WWOX: variants seen among roughly 807,000 people sequenced by gnomAD.
The protein encoded by WWOX is WW domain-containing oxidoreductase.
In WWOX, 69 loss-of-function variants were observed where a neutral mutation model predicts 46.2. That is an observed-to-expected ratio of 1.49 (90% CI 1.23 to 1.82). The LOEUF is 1.82. Among genes scored for constraint, WWOX ranks in the 40% most tolerant of loss-of-function variants. The pLI, the probability that WWOX is intolerant of heterozygous loss-of-function variation, is 0.00. For synonymous variants in WWOX, 359 were observed against 202.6 expected (o/e 1.77, Z -6.56); for missense variants, 919 against 542.6 (o/e 1.69, Z -6.89).
At chr16:78,749,745 C>T (rs549660715) in intron 8 of WWOX, among the ~76,000 whole-genome samples, 1 of 152,134 alleles carries the variant, frequency 6.6e-6, no homozygotes, top group Non-Finnish European at 1.5e-5. Context: ...CCGTTAAAGC[C>T]GTATTGGATG....
At chr16:78,768,846 A>T (rs954609388) in intron 8 of WWOX, among the ~76,000 whole-genome samples, 1 of 152,160 alleles carries the variant, frequency 6.6e-6, no homozygotes, top group African/African-American at 2.4e-5. Flanking sequence ...AGGGCTTTCC[A>T]GTCAAAGAGA....
intron 5 of WWOX, among the ~76,000 whole-genome samples, chr16:78,174,283 A>G (rs2151746138): frequency 6.6e-6 from 1 of 152,250 alleles, no homozygotes; most frequent in Non-Finnish European, 1.5e-5. Context: ...AAAATGAGGA[A>G]GAAGCAAAAG....
chr16:78,820,848 G>C (rs28715365), intron 8 of WWOX, among the ~76,000 whole-genome samples: 12,513 of 152,074 alleles, frequency 0.082, 531 homozygotes, highest in African/African-American at 0.12. Flanking sequence ...CCTGGTTTCT[G>C]GTGACTGCTG....
At chr16:78,427,572 T>G (rs538506728) in intron 7 of WWOX, among the ~76,000 whole-genome samples, 1 of 151,984 alleles carries the variant, frequency 6.6e-6, no homozygotes, top group East Asian at 1.9e-4. Flanking sequence ...TTTCTCAGCT[T>G]CTGTGTAGAC....
In WWOX at chr16:78,615,820, C is replaced by T. The variant is rs1962835; in HGVS notation, c.1056+183068C>T. Among the ~76,000 whole-genome samples, 65 of 151,202 alleles carry T rather than the reference C, an allele frequency of 4.3e-4. 1 individual carries two copies. The highest frequency in any genetic ancestry group is 1.4e-3 in the African/African-American group (59 of 41,140). ...GGCTGGAGTGCAGTGGCACAGTCTC[C>T]GCTCACTGTAAGCTCCGCCTCCCGA... On this transcript the variant is annotated intron_variant, in intron 8 of 8. Transcript: ENST00000566780.
intron 8 of WWOX, among the ~76,000 whole-genome samples, chr16:79,030,574 T>C (rs974318800): frequency 6.6e-6 from 1 of 152,212 alleles, no homozygotes; most frequent in Non-Finnish European, 1.5e-5. Context: ...ATGAGGGCTG[T>C]CTTGGTCCGT....
intron 8 of WWOX, among the ~76,000 whole-genome samples, chr16:78,593,932 G>A (rs548729949): frequency 6.6e-6 from 1 of 152,244 alleles, no homozygotes; most frequent in African/African-American, 2.4e-5. Context: ...GTTGGAGGAG[G>A]ATGACCTTAG....
At chr16:78,701,437 C>T in intron 8 of WWOX, among the ~76,000 whole-genome samples, 1 of 152,122 alleles carries the variant, frequency 6.6e-6, no homozygotes, top group Non-Finnish European at 1.5e-5. Flanking sequence ...GGTTGAAGGT[C>T]CGATGGCCAC....
At chr16:78,915,694 C>CG (rs1472735824) in intron 8 of WWOX, among the ~76,000 whole-genome samples, 33 of 6,244 alleles carry the variant, frequency 5.3e-3, no homozygotes, top group Admixed American at 0.012. Context: ...TCTCCAAAGC[C>CG]ATTTAAAAAA....
chr16:78,568,905 C>T (rs938195942), intron 8 of WWOX, among the ~76,000 whole-genome samples: 1 of 152,168 alleles, frequency 6.6e-6, no homozygotes, highest in Non-Finnish European at 1.5e-5. Context: ...ATCTAATAAT[C>T]CTAACACTGT....
At chr16:79,075,598 G>C (rs887540331) in intron 8 of WWOX, among the ~76,000 whole-genome samples, 1 of 151,310 alleles carries the variant, frequency 6.6e-6, no homozygotes, top group African/African-American at 2.4e-5. Flanking sequence ...TGTCACCCAG[G>C]CTGGAGTTTA....
chr16:79,068,532 G>C (rs750915020), intron 8 of WWOX, among the ~76,000 whole-genome samples: 1 of 152,110 alleles, frequency 6.6e-6, no homozygotes, highest in Admixed American at 6.5e-5. Flanking sequence ...GGCTGGTCAC[G>C]GTGGCTCATG....
intron 8 of WWOX, among the ~76,000 whole-genome samples, chr16:78,944,126 T>C (rs746724399): frequency 1.3e-5 from 2 of 152,232 alleles, no homozygotes; most frequent in African/African-American, 4.8e-5. Context: ...GCTGTGGTAT[T>C]GTCTGAGCCT....
chr16:78,855,889 C>A (rs1220857727), intron 8 of WWOX, among the ~76,000 whole-genome samples: 1 of 152,208 alleles, frequency 6.6e-6, no homozygotes, highest in African/African-American at 2.4e-5. Context: ...CCAGTCCTTA[C>A]TCTCATGTAA....
In WWOX at chr16:78,352,630, G is replaced by T. The variant is rs910894826; in HGVS notation, c.517-34230G>T. On this transcript the variant is annotated intron_variant, in intron 5 of 8. Coordinates refer to ENST00000566780, the MANE Select transcript of WWOX (RefSeq NM_016373.4). ...ATCTGGGATAATCTGCCTGTTTGAAGGTCAGCCAATTAGCAATCTTAATGC... is the reference window on the plus strand; with the variant it reads ...ATCTGGGATAATCTGCCTGTTTGAATGTCAGCCAATTAGCAATCTTAATGC... Among the ~76,000 whole-genome samples the T allele has an allele frequency of 2.0e-5, 3 of 152,262 alleles. No homozygotes were observed. The East Asian group carries it at 5.8e-4, about 29-fold the overall frequency.
intron 5 of WWOX, among the ~76,000 whole-genome samples, chr16:78,211,989 A>C (rs1046718422): frequency 6.6e-6 from 1 of 152,218 alleles, no homozygotes; most frequent in Admixed American, 6.5e-5. Context: ...ACCATGGTAC[A>C]TAATCATGGG....
chr16:79,073,239 G>A (rs566451361), intron 8 of WWOX, among the ~76,000 whole-genome samples: 1 of 151,488 alleles, frequency 6.6e-6, no homozygotes, highest in South Asian at 2.1e-4. Flanking sequence ...GAGTGAAATG[G>A]CACGATCGCA....
intron 8 of WWOX, chr16:78,526,494 T>C (rs899537783): frequency 5.3e-5 from 8 of 152,244 alleles, no homozygotes; most frequent in African/African-American, 7.2e-5. Context: ...AATGAAAATA[T>C]GGGGTTCTAG....
chr16:78,374,482 T>C (rs1012230591), intron 5 of WWOX, among the ~76,000 whole-genome samples: 6 of 151,146 alleles, frequency 4.0e-5, no homozygotes, highest in South Asian at 2.1e-4. Flanking sequence ...TGATGACTCT[T>C]TTTGTGTTTA....
Sources: gnomAD v4.1 joint callset for allele counts (sites outside exome capture counted in the v4.1 genomes callset) on GRCh38, gnomAD v4.1.1 for gene constraint, MANE v1.5 for transcripts, NCBI Gene and HGNC (gene_info 2026-07-23, HGNC 2026-07-21) for gene names.